Variants in RAB33B observed in about 807,000 individuals in gnomAD.
RAB33B encodes RAB33B, member RAS oncogene family.
In RAB33B, 6 loss-of-function variants were observed where a neutral mutation model predicts 15.0. That is an observed-to-expected ratio of 0.40 (90% CI 0.22 to 0.79). RAB33B has a LOEUF of 0.79. Ranked by LOEUF, RAB33B falls within the 30% of genes least tolerant of loss-of-function variation. The pLI is 0.37. For synonymous variants in RAB33B, 117 were observed against 108.3 expected (o/e 1.08, Z -0.50); for missense variants, 257 against 296.4 (o/e 0.87, Z 0.98).
the RAB33B span, among the ~76,000 whole-genome samples, chr4:139,447,692 A>G: frequency 1.7e-5 from 2 of 117,132 alleles, no homozygotes. Flanking sequence ...TTTGAGACAG[A>G]GTCTCGCTCT....
At chr4:139,458,283 C>CT (rs916308994) in intron 1 of RAB33B, among the ~76,000 whole-genome samples, 165 of 149,122 alleles carry the variant, frequency 1.1e-3, no homozygotes, top group African/African-American at 3.6e-3. Context: ...GTCTCTCTCT[C>CT]TTTTTTTTTT....
rs1750442031 is a variant in RAB33B at position 139,473,698 on chromosome 4, CAT to C, written c.*575_*576del. 2 of 152,082 alleles carry C rather than the reference CAT, an allele frequency of 1.3e-5. No homozygotes were observed. The highest frequency in any genetic ancestry group is 4.8e-5 in the African/African-American group (2 of 41,364). The allele number at this position is 152,082 out of a possible 1,614,324, so 9.4% of individuals were successfully genotyped here. A position where few individuals can be genotyped will look rare whatever the true frequency, so the allele number is the denominator to read the frequency against. ...ATCTGGCCTTTCTTTGTTTTATTAA[CAT>C]ATTTAGTTTTGTTATTATTGGTATG... On this transcript the variant is annotated 3_prime_UTR_variant, in exon 2 of 2. Coordinates refer to ENST00000305626, the MANE Select transcript of RAB33B (RefSeq NM_031296.3).
upstream of RAB33B, chr4:139,452,772 C>T (rs1375377239): frequency 6.6e-6 from 1 of 152,198 alleles, no homozygotes; most frequent in East Asian, 1.9e-4. Flanking sequence ...CTCATCTGTT[C>T]TGACTATATT....
At chr4:139,441,419 T>C in the RAB33B span, among the ~76,000 whole-genome samples, 2 of 152,208 alleles carry the variant, frequency 1.3e-5, no homozygotes, top group African/African-American at 4.8e-5. Flanking sequence ...TATTTTGCCT[T>C]AGGCTTTATT....
In RAB33B at chr4:139,454,277, C is replaced by T. The variant is rs1410588428; in HGVS notation, c.82C>T (p.Pro28Ser). The change falls in exon 1 of 2, where the codon CCT becomes TCT. Residue 28 changes from proline to serine, a missense_variant. By Grantham distance (74) the Pro-to-Ser change is moderately conservative. Transcript: ENST00000305626. ...GTCAGGGGCCTCAGGGTTTTTGCCTCCTGCCCGCTCCCGCATCTTCAAGAT... is the reference window on the plus strand; with the variant it reads ...GTCAGGGGCCTCAGGGTTTTTGCCTTCTGCCCGCTCCCGCATCTTCAAGAT... ...AVSGASGFLP[P>S]ARSRIFKIIV... is the part of the protein sequence containing the mutation. 1.6e-5 allele frequency: 26 copies of T among 1,614,030 alleles called. No homozygotes were observed. The highest frequency in any genetic ancestry group is 2.0e-5 in the Non-Finnish European group (24 of 1,180,022).
At chr4:139,440,643 C>T in the RAB33B span, among the ~76,000 whole-genome samples, 1,332 of 150,580 alleles carry the variant, frequency 8.8e-3, 50 homozygotes, top group East Asian at 0.11. Context: ...GACAGAGTCT[C>T]GCTCTGTTAC....
chr4:139,448,655 T>G (rs879349912), upstream of RAB33B: 4 of 152,232 alleles, frequency 2.6e-5, no homozygotes, highest in African/African-American at 9.6e-5. Flanking sequence ...TGATCTCAAG[T>G]GATCCGCCCA....
At chr4:139,472,179 T>G (rs1750405631) in intron 1 of RAB33B, among the ~76,000 whole-genome samples, 1 of 152,206 alleles carries the variant, frequency 6.6e-6, no homozygotes, top group Non-Finnish European at 1.5e-5. Flanking sequence ...TCATGATTTT[T>G]TTCTAGCCTT....
At chr4:139,459,859 C>A (rs1464972102) in intron 1 of RAB33B, among the ~76,000 whole-genome samples, 4 of 152,080 alleles carry the variant, frequency 2.6e-5, no homozygotes, top group African/African-American at 9.7e-5. Flanking sequence ...GTCTCAAACT[C>A]CTGACCTCGT....
intron 1 of RAB33B, among the ~76,000 whole-genome samples, chr4:139,457,084 C>T (rs940137570): frequency 1.3e-5 from 2 of 152,012 alleles, no homozygotes; most frequent in African/African-American, 2.4e-5. Flanking sequence ...TGAGATATTG[C>T]GTTAAATGTT....
At chr4:139,453,999 G>T, upstream of RAB33B, 1 of 499,966 alleles carries the variant, frequency 2.0e-6, no homozygotes, top group African/African-American at 2.0e-5. Flanking sequence ...CCGTGCGGCG[G>T]GGCGGGCGGG....
the RAB33B span, among the ~76,000 whole-genome samples, chr4:139,444,713 TGACA>T: frequency 2.0e-5 from 3 of 152,294 alleles, no homozygotes; most frequent in East Asian, 1.9e-4. Context: ...CAGGTCCAAC[TGACA>T]GTGTGTCCAG....
chr4:139,459,696 TG>T (rs1468219323), intron 1 of RAB33B, among the ~76,000 whole-genome samples: 3 of 151,592 alleles, frequency 2.0e-5, no homozygotes, highest in Admixed American at 6.6e-5. Context: ...TGCAGTGGCA[TG>T]GTCTCAGCTC....
chr4:139,450,725 C>T (rs1042553091), upstream of RAB33B: 2 of 152,020 alleles, frequency 1.3e-5, no homozygotes, highest in Non-Finnish European at 2.9e-5. Flanking sequence ...ATTCTTTGTC[C>T]TCTGTGCTCA....
chr4:139,462,050 G>A (rs1419252730), intron 1 of RAB33B, among the ~76,000 whole-genome samples: 1 of 148,952 alleles, frequency 6.7e-6, no homozygotes, highest in African/African-American at 2.5e-5. Context: ...GTTGATGACA[G>A]CTCTTTTTTT....
At chr4:139,462,791 C>G (rs1242081479) in intron 1 of RAB33B, among the ~76,000 whole-genome samples, 1 of 152,180 alleles carries the variant, frequency 6.6e-6, no homozygotes, top group Non-Finnish European at 1.5e-5. Context: ...CACTTAAACC[C>G]TGTTAAAATT....
rs563243598 is a variant in RAB33B, at chr4:139,458,299, G to A, written c.249+3855G>A. Among the ~76,000 whole-genome samples the A allele has an allele frequency of 1.6e-4, 25 of 151,736 alleles. No individual in the cohort carries two copies. In the South Asian group the frequency reaches 4.6e-3, roughly 28 times the overall value. Reference sequence around the variant, plus strand: ...TCTCTCTCTCTTTTTTTTTTAACACGTTTATTTTAGGTTCAGGGGTACATG... The same window carrying A: ...TCTCTCTCTCTTTTTTTTTTAACACATTTATTTTAGGTTCAGGGGTACATG... On this transcript the variant is annotated intron_variant, in intron 1 of 1. Transcript: ENST00000305626.
chr4:139,452,457 G>A (rs1749945444), upstream of RAB33B: 1 of 152,186 alleles, frequency 6.6e-6, no homozygotes, highest in Non-Finnish European at 1.5e-5. Context: ...ACAGCTCTGA[G>A]TTTTCAACTG....
chr4:139,474,445 G>C lies in RAB33B; in HGVS notation c.*1319G>C, dbSNP rs1750461542. On this transcript the variant is annotated 3_prime_UTR_variant, in exon 2 of 2. Coordinates refer to ENST00000305626, the MANE Select transcript of RAB33B (RefSeq NM_031296.3). The stretch of plus-strand genomic sequence containing the variant: ...CAGTGTATCCCATATGGTATCTCTT[G>C]CTCTTCCTTCAACTCCAATAAATTT... The C allele has an allele frequency of 6.6e-6, 1 of 152,194 alleles. No homozygotes were observed. The highest frequency in any genetic ancestry group is 1.5e-5 in the Non-Finnish European group (1 of 68,016). The allele number at this position is 152,194 out of a possible 1,614,324, so 9.4% of individuals were successfully genotyped here. A position where few individuals can be genotyped will look rare whatever the true frequency, so the allele number is the denominator to read the frequency against.
Sources: gnomAD v4.1 joint callset for allele counts (sites outside exome capture counted in the v4.1 genomes callset) on GRCh38, gnomAD v4.1.1 for gene constraint, MANE v1.5 for transcripts, NCBI Gene and HGNC (gene_info 2026-07-23, HGNC 2026-07-21) for gene names.